Variants in SLC25A21 observed in about 807,000 individuals in gnomAD.
SLC25A21 encodes the protein solute carrier family 25 member 21.
In SLC25A21, 47 loss-of-function variants were observed where a neutral mutation model predicts 43.8. The observed-to-expected ratio is 1.07, with a 90% CI of 0.85 to 1.37. SLC25A21 has a LOEUF of 1.37. SLC25A21 is among the 40% of genes most tolerant of loss of function. The pLI, the probability that SLC25A21 is intolerant of heterozygous loss-of-function variation, is 0.00. For missense variants in SLC25A21, 352 were observed against 350.2 expected, an observed-to-expected ratio of 1.00 and a Z score of -0.04; for synonymous variants, 131 against 121.3, an observed-to-expected ratio of 1.08 and a Z score of -0.52.
chr14:36,763,348 T>G (rs1373008976), intron 3 of SLC25A21, among the ~76,000 whole-genome samples: 1 of 152,218 alleles, frequency 6.6e-6, no homozygotes, highest in Non-Finnish European at 1.5e-5. Flanking sequence ...TGCTGCTAAG[T>G]TGGACTCAGT....
chr14:36,782,788 T>G lies in SLC25A21; in HGVS notation c.203+31130A>C, dbSNP rs1383690357. 1.5e-3 allele frequency among the ~76,000 whole-genome samples: 184 copies of G among 118,788 alleles called. 6 individuals carry two copies. The East Asian group carries it at 0.049, about 31-fold the overall frequency. The allele number at this position is 118,788 out of a possible 152,430, so 77.9% of individuals were successfully genotyped here. On this transcript the variant is annotated intron_variant, in intron 3 of 9. Transcript: ENST00000331299. The stretch of plus-strand genomic sequence containing the variant: ...GGACACAGGAAGGGGAATATCACAC[T>G]CTGGGGACTGTGGTGGGGTTGGGGG...
At chr14:36,844,026 T>C (rs960227938) in intron 2 of SLC25A21, among the ~76,000 whole-genome samples, 8 of 152,156 alleles carry the variant, frequency 5.3e-5, no homozygotes, top group Non-Finnish European at 7.4e-5. Flanking sequence ...ATTTTGTGTG[T>C]TGAAAGATAA....
intron 3 of SLC25A21, among the ~76,000 whole-genome samples, chr14:36,738,804 T>C (rs1018572599): frequency 6.6e-6 from 1 of 152,248 alleles, no homozygotes; most frequent in Non-Finnish European, 1.5e-5. Context: ...CGTATGTTTA[T>C]GGATTTTTGT....
At chr14:37,058,913 C>A (rs1003608130) in intron 1 of SLC25A21, among the ~76,000 whole-genome samples, 3 of 152,148 alleles carry the variant, frequency 2.0e-5, no homozygotes, top group Admixed American at 6.5e-5. Context: ...CTGATGGTCA[C>A]CCCTTCCCTC....
At position 36,745,830 on chromosome 14, in the gene SLC25A21, G is replaced by A. The variant is rs534850591; in HGVS notation, c.204-11257C>T. Reference sequence around the variant, plus strand: ...GCATTTTTCAAAAGAAGACATACACGTGGCCATCAAACATATGAAAACATG... The same window carrying A: ...GCATTTTTCAAAAGAAGACATACACATGGCCATCAAACATATGAAAACATG... On this transcript the variant is annotated intron_variant, in intron 3 of 9. Transcript: ENST00000331299. Among the ~76,000 whole-genome samples the A allele has an allele frequency of 5.9e-5, 9 of 152,156 alleles. No homozygotes were observed. The South Asian group carries it at 1.9e-3, about 32-fold the overall frequency.
chr14:36,865,822 G>T (rs1418276147), intron 2 of SLC25A21, among the ~76,000 whole-genome samples: 3 of 152,166 alleles, frequency 2.0e-5, no homozygotes, highest in Non-Finnish European at 2.9e-5. Context: ...AATCTCCACA[G>T]ATTGAGTAAA....
intron 6 of SLC25A21, among the ~76,000 whole-genome samples, chr14:36,722,987 T>C (rs1399933818): frequency 6.6e-6 from 1 of 152,216 alleles, no homozygotes; most frequent in East Asian, 1.9e-4. Context: ...CAAGAAGTAT[T>C]CCTGGCCATA....
At chr14:36,940,354 T>C (rs530032199) in intron 1 of SLC25A21, among the ~76,000 whole-genome samples, 1 of 152,080 alleles carries the variant, frequency 6.6e-6, no homozygotes, top group African/African-American at 2.4e-5. Context: ...TAAAAAAATA[T>C]ACTACTCTGA....
At chr14:36,839,315 T>C (rs1374796821) in intron 2 of SLC25A21, among the ~76,000 whole-genome samples, 3 of 152,206 alleles carry the variant, frequency 2.0e-5, no homozygotes, top group Non-Finnish European at 4.4e-5. Flanking sequence ...TTAAGAAACA[T>C]TCATTCAATA....
chr14:36,860,475 G>C (rs113672026), intron 2 of SLC25A21, among the ~76,000 whole-genome samples: 1 of 152,182 alleles, frequency 6.6e-6, no homozygotes, highest in African/African-American at 2.4e-5. Flanking sequence ...TGCTGAACTA[G>C]AACGCTGGTC....
intron 3 of SLC25A21, among the ~76,000 whole-genome samples, chr14:36,796,308 T>A (rs1887667168): frequency 6.6e-6 from 1 of 152,106 alleles, no homozygotes; most frequent in Non-Finnish European, 1.5e-5. Flanking sequence ...GAGGAATAGA[T>A]CACATTTTCC....
intron 1 of SLC25A21, among the ~76,000 whole-genome samples, chr14:36,898,653 T>C (rs959968036): frequency 1.3e-5 from 2 of 152,160 alleles, no homozygotes; most frequent in Admixed American, 1.3e-4. Context: ...ACTGGAGCTG[T>C]TCCTATTCAG....
rs1446755880 is a variant in SLC25A21 at position 37,098,774 on chromosome 14, C to CAGATAGAT, written c.70+73506_70+73507insATCTATCT. On this transcript the variant is annotated intron_variant, in intron 1 of 9. Coordinates refer to ENST00000331299, the MANE Select transcript of SLC25A21 (RefSeq NM_030631.4). ...ACAGACAGACAGACAGACAGACAGACAGACAGACAGACAGATAGATAGATA... is the reference window on the plus strand; with the variant it reads ...ACAGACAGACAGACAGACAGACAGACAGATAGATAGACAGACAGACAGATAGATAGATA... 2.1e-3 allele frequency among the ~76,000 whole-genome samples: 247 copies of CAGATAGAT among 119,950 alleles called. 2 individuals are homozygous for CAGATAGAT. Among genetic ancestry groups the CAGATAGAT allele is most frequent in the African/African-American group, 8.5e-3 (235 of 27,654 alleles). The allele number at this position is 119,950 out of a possible 152,430, so 78.7% of individuals were successfully genotyped here.
At chr14:36,950,037 C>A in intron 1 of SLC25A21, among the ~76,000 whole-genome samples, 1 of 152,122 alleles carries the variant, frequency 6.6e-6, no homozygotes, top group East Asian at 1.9e-4. Context: ...ATGTAGTATG[C>A]AGAGTTCTCC....
intron 1 of SLC25A21, among the ~76,000 whole-genome samples, chr14:36,890,436 A>G (rs374670226): frequency 1.3e-5 from 2 of 152,126 alleles, no homozygotes; most frequent in African/African-American, 4.8e-5. Context: ...GGAATTGAGG[A>G]CATGATGGGG....
At chr14:37,169,035 T>C (rs1322380490) in intron 1 of SLC25A21, among the ~76,000 whole-genome samples, 2 of 151,838 alleles carry the variant, frequency 1.3e-5, no homozygotes, top group East Asian at 2.0e-4. Context: ...CTTACCCCCA[T>C]GTAGGTTACA....
intron 1 of SLC25A21, among the ~76,000 whole-genome samples, chr14:36,918,323 C>G (rs1177237187): frequency 6.6e-6 from 1 of 152,172 alleles, no homozygotes; most frequent in Non-Finnish European, 1.5e-5. Flanking sequence ...ATCACATGTT[C>G]TTACAGTGAT....
intron 1 of SLC25A21, among the ~76,000 whole-genome samples, chr14:36,987,882 T>C (rs559080482): frequency 7.2e-5 from 11 of 152,364 alleles, no homozygotes; most frequent in African/African-American, 2.6e-4. Flanking sequence ...CATTTCATCA[T>C]GTCCTTACCA....
intron 1 of SLC25A21, among the ~76,000 whole-genome samples, chr14:36,890,569 T>C (rs1411116234): frequency 2.0e-5 from 3 of 152,196 alleles, no homozygotes; most frequent in African/African-American, 7.2e-5. Context: ...CCCACTTGTA[T>C]TCATCTACAG....
Sources: gnomAD v4.1 joint callset for allele counts (sites outside exome capture counted in the v4.1 genomes callset) on GRCh38, gnomAD v4.1.1 for gene constraint, MANE v1.5 for transcripts, NCBI Gene and HGNC (gene_info 2026-07-23, HGNC 2026-07-21) for gene names.